Variants in CPXM2 observed in about 807,000 individuals in gnomAD.
CPXM2 encodes inactive carboxypeptidase-like protein X2.
CPXM2 carries 66 observed loss-of-function variants against 86.1 expected under a neutral mutation model. The ratio of observed to expected loss-of-function variants is 0.77; its 90% confidence interval spans 0.63 to 0.94. The LOEUF (loss-of-function observed/expected upper bound fraction) is 0.94. Ranked by LOEUF, CPXM2 falls within the 40% of genes least tolerant of loss-of-function variation. CPXM2 has a pLI of 0.00. For missense variants in CPXM2, 948 were observed against 1,026.3 expected (o/e 0.92, Z 1.04); for synonymous variants, 388 against 400.2 (o/e 0.97, Z 0.36).
rs1001503491 is a variant in CPXM2 at position 123,754,995 on chromosome 10, G to C, written c.1918-233C>G. The stretch of plus-strand genomic sequence containing the variant: ...TAAGAAAAGTGAACTTATTTCTGAA[G>C]CTAGCATTAGGGAAGCATCCTGCTT... On this transcript the variant is annotated intron_variant, in intron 12 of 13. Coordinates refer to ENST00000241305, the MANE Select transcript of CPXM2 (RefSeq NM_198148.3). The surrounding 1 kb of genome is among the most constrained non-coding windows in gnomAD (Gnocchi z 4.0). Among the ~76,000 whole-genome samples the C allele has an allele frequency of 6.6e-5, 10 of 152,240 alleles. No individual in the cohort carries two copies. The highest frequency in any genetic ancestry group is 2.4e-4 in the African/African-American group (10 of 41,460).
In CPXM2 at chr10:123,911,710, A is replaced by C. The variant is rs551116823; in HGVS notation, n.174+27767T>G. ...ACTCCAGAAAGTCACATGGGTGCTC[A>C]CATGTCACTGTGATGCCAAGGCACC... On this transcript the variant is annotated intron_variant and non_coding_transcript_variant, in intron 2 of 19. Coordinates refer to the CPXM2 transcript ENST00000368854. Among the ~76,000 whole-genome samples, 4 of 151,942 alleles carry C rather than the reference A, an allele frequency of 2.6e-5. No homozygotes were observed. In the East Asian group the frequency reaches 7.9e-4, roughly 30 times the overall value.
At chr10:123,909,960 G>A (rs1945474665) in intron 2 of CPXM2, among the ~76,000 whole-genome samples, 1 of 152,192 alleles carries the variant, frequency 6.6e-6, no homozygotes, top group South Asian at 2.1e-4. Flanking sequence ...AGGTGGCCCA[G>A]CTTCCATATC....
At chr10:123,920,823 T>C (rs997305348) in intron 2 of CPXM2, among the ~76,000 whole-genome samples, 1 of 152,202 alleles carries the variant, frequency 6.6e-6, no homozygotes, top group African/African-American at 2.4e-5. Flanking sequence ...GGGTTCCTTA[T>C]AAAAGGATGA....
At chr10:123,814,861 T>TA (rs1205402941) in intron 4 of CPXM2, among the ~76,000 whole-genome samples, 1 of 151,828 alleles carries the variant, frequency 6.6e-6, no homozygotes, top group Non-Finnish European at 1.5e-5. Flanking sequence ...CCATCTCTAC[T>TA]AAAAAATACA....
chr10:123,878,523 G>A (rs28578147), intron 2 of CPXM2, among the ~76,000 whole-genome samples: 2 of 144,566 alleles, frequency 1.4e-5, no homozygotes, highest in Non-Finnish European at 3.1e-5. Context: ...GTGTGTGTGT[G>A]TGTGTGTGTG....
At chr10:123,853,469 T>C (rs938704828) in intron 3 of CPXM2, among the ~76,000 whole-genome samples, 6 of 152,220 alleles carry the variant, frequency 3.9e-5, no homozygotes, top group African/African-American at 1.4e-4. Context: ...AGGCCCCCAG[T>C]AAATATTTGC....
At chr10:123,809,398 T>G (rs1847644289) in intron 4 of CPXM2, among the ~76,000 whole-genome samples, 1 of 152,152 alleles carries the variant, frequency 6.6e-6, no homozygotes, top group Non-Finnish European at 1.5e-5. Flanking sequence ...AAGAAATTGA[T>G]GCTGGTTTTG....
intron 6 of CPXM2, among the ~76,000 whole-genome samples, chr10:123,780,811 T>G (rs948955940): frequency 6.6e-6 from 1 of 152,188 alleles, no homozygotes. Context: ...TAGGAAGATC[T>G]CAAGTCCCCA....
chr10:123,818,863 C>T (rs1450750522), intron 4 of CPXM2, among the ~76,000 whole-genome samples: 1 of 152,118 alleles, frequency 6.6e-6, no homozygotes, highest in Non-Finnish European at 1.5e-5. Context: ...TACTGTTTCT[C>T]CCATAGCCAG....
chr10:123,746,066 G>C lies in CPXM2; in HGVS notation c.*698C>G, dbSNP rs1845964694. ...CTACTGGATCAGCAGGGACTTTGGG[G>C]GTTGTTTATGGACCCAGAATTTGTG... On this transcript the variant is annotated 3_prime_UTR_variant, in exon 14 of 14. Transcript: ENST00000241305. The C allele has an allele frequency of 6.6e-6, 1 of 152,124 alleles. No individual in the cohort carries two copies. Among genetic ancestry groups the C allele is most frequent in the African/African-American group, 2.4e-5 (1 of 41,428 alleles). 9.4% of individuals were successfully genotyped at this position (152,124 alleles called of 1,614,324 possible).
intron 1 of CPXM2, among the ~76,000 whole-genome samples, chr10:123,889,302 T>C (rs1330736148): frequency 6.6e-6 from 1 of 152,192 alleles, no homozygotes; most frequent in African/African-American, 2.4e-5. Flanking sequence ...GACTTACTTG[T>C]CAAGTCTTAA....
At chr10:123,799,281 C>G (rs1847402686) in intron 4 of CPXM2, 82 bp from the exon 5 acceptor site, 2 of 1,553,022 alleles carry the variant, frequency 1.3e-6, no homozygotes, top group Non-Finnish European at 8.8e-7. Context: ...GTGAGGAGAG[C>G]AGGTGCCAGA....
chr10:123,896,885 C>T (rs530171133), upstream of CPXM2, among the ~76,000 whole-genome samples: 19 of 152,350 alleles, frequency 1.2e-4, no homozygotes, highest in South Asian at 3.9e-3. Context: ...TCTCTGTTTG[C>T]ACTGCCTCTG....
intron 2 of CPXM2, among the ~76,000 whole-genome samples, chr10:123,873,335 A>G (rs1944923851): frequency 6.6e-6 from 1 of 152,248 alleles, no homozygotes; most frequent in Non-Finnish European, 1.5e-5. Flanking sequence ...TAAGACCTCT[A>G]GCGATAAATT....
At chr10:123,900,539 C>CA (rs1945373630) in intron 2 of CPXM2, among the ~76,000 whole-genome samples, 1 of 152,138 alleles carries the variant, frequency 6.6e-6, no homozygotes, top group African/African-American at 2.4e-5. Context: ...ATTAGCTGGG[C>CA]AAAAATCAGA....
rs201368456 is a variant in CPXM2 at position 123,937,470 on chromosome 10, AACACACACACACACACACACACAC to A, written n.174+1983_174+2006del. Among the ~76,000 whole-genome samples the A allele has an allele frequency of 2.1e-4, 28 of 132,652 alleles. 1 individual carries two copies. The highest frequency in any genetic ancestry group is 4.5e-4 in the East Asian group (2 of 4,442). 87.0% of individuals were successfully genotyped at this position (132,652 alleles called of 152,430 possible). ...TGTTAGAAAAACAAGACAACAAAAC[AACACACACACACACACACACACAC>A]ACACACACACACACACACACACACA... On this transcript the variant is annotated intron_variant and non_coding_transcript_variant, in intron 2 of 19. Coordinates refer to the CPXM2 transcript ENST00000368854.
At chr10:123,806,242 G>A (rs2134083155) in intron 4 of CPXM2, among the ~76,000 whole-genome samples, 1 of 152,022 alleles carries the variant, frequency 6.6e-6, no homozygotes, top group Middle Eastern at 3.4e-3. Flanking sequence ...TATTTTTGTT[G>A]GGAATTCTAG....
rs140008057 is a variant in CPXM2 at position 123,824,897 on chromosome 10, C to T, written c.653+17452G>A. On this transcript the variant is annotated intron_variant, in intron 4 of 13. Coordinates refer to ENST00000241305, the MANE Select transcript of CPXM2 (RefSeq NM_198148.3). ...GACACACAGGGACTCAGGCATTCAACTGACTGCCATTTTGCCACTTCCAGT... is the reference window on the plus strand; with the variant it reads ...GACACACAGGGACTCAGGCATTCAATTGACTGCCATTTTGCCACTTCCAGT... 3.4e-3 allele frequency among the ~76,000 whole-genome samples: 514 copies of T among 152,364 alleles called. 1 individual carries two copies. Among genetic ancestry groups the T allele is most frequent in the Non-Finnish European group, 5.8e-3 (397 of 68,034 alleles).
chr10:123,779,674 G>A (rs1286894064), intron 7 of CPXM2, among the ~76,000 whole-genome samples: 1 of 152,132 alleles, frequency 6.6e-6, no homozygotes, highest in Non-Finnish European at 1.5e-5. Flanking sequence ...TGAATAATAA[G>A]GGGTAGTGCT....
Sources: gnomAD v4.1 joint callset for allele counts (sites outside exome capture counted in the v4.1 genomes callset) on GRCh38, gnomAD v4.1.1 for gene constraint, Gnocchi (gnomAD v3.1) non-coding constraint, MANE v1.5 for transcripts, NCBI Gene and HGNC (gene_info 2026-07-23, HGNC 2026-07-21) for gene names.